The following SNAP25 variants were observed in gnomAD, a reference collection of about 807,000 sequenced individuals.
SNAP25 encodes the protein synaptosome associated protein 25.
In SNAP25, 3 loss-of-function variants were observed where a neutral mutation model predicts 28.7. That is an observed-to-expected ratio of 0.10 (90% CI 0.05 to 0.27). The LOEUF (loss-of-function observed/expected upper bound fraction) is 0.27. Ranked by LOEUF, SNAP25 falls within the 10% of genes least tolerant of loss-of-function variation. The probability of loss-of-function intolerance (pLI) is 1.00; values close to 1 mark genes in which losing one functional copy is unlikely to be tolerated. For synonymous variants in SNAP25, 61 were observed against 88.1 expected (o/e 0.69, Z 1.72); for missense variants, 117 against 278.7 (o/e 0.42, Z 4.13).
intron 1 of SNAP25, among the ~76,000 whole-genome samples, chr20:10,262,712 G>A (rs2063436183): frequency 6.6e-6 from 1 of 152,214 alleles, no homozygotes; most frequent in Non-Finnish European, 1.5e-5. Context: ...AACCAGAAAG[G>A]GAGTTTGGAG....
At chr20:10,251,468 T>C (rs902050536) in intron 1 of SNAP25, among the ~76,000 whole-genome samples, 1 of 152,130 alleles carries the variant, frequency 6.6e-6, no homozygotes. Flanking sequence ...GGTTGAGGGA[T>C]GATATTATGG....
At chr20:10,270,002 C>T (rs146642421) in intron 1 of SNAP25, among the ~76,000 whole-genome samples, 1,638 of 152,312 alleles carry the variant, frequency 0.011, 28 homozygotes, top group African/African-American at 0.037. Context: ...GCCTGTCATC[C>T]CAGCACTTTG....
chr20:10,223,729 T>A (rs1259628052), intron 1 of SNAP25, among the ~76,000 whole-genome samples: 1 of 152,138 alleles, frequency 6.6e-6, no homozygotes, highest in Non-Finnish European at 1.5e-5. Flanking sequence ...GAACCCCAGC[T>A]ACACTGTGAA....
chr20:10,306,024 G>C (rs542105587), intron 7 of SNAP25, 105 bp from the exon 8 acceptor site: 1 of 975,718 alleles, frequency 1.0e-6, no homozygotes, highest in Admixed American at 2.0e-5. Context: ...GACCAAGGAG[G>C]TTTTAAGTGG....
At chr20:10,228,491 G>C (rs1017343554) in intron 1 of SNAP25, among the ~76,000 whole-genome samples, 3 of 152,160 alleles carry the variant, frequency 2.0e-5, no homozygotes, top group Non-Finnish European at 4.4e-5. Context: ...AGCCAGGTGA[G>C]ATATGGTGGT....
intron 3 of SNAP25, among the ~76,000 whole-genome samples, chr20:10,278,684 C>T: frequency 6.6e-6 from 1 of 151,986 alleles, no homozygotes. Flanking sequence ...GAGCCTACTC[C>T]CCTCATGCTA....
At chr20:10,282,615 G>A (rs1482240514) in intron 3 of SNAP25, among the ~76,000 whole-genome samples, 2 of 152,176 alleles carry the variant, frequency 1.3e-5, no homozygotes, top group Non-Finnish European at 2.9e-5. Context: ...AAACAGATGA[G>A]GGCTGGACTG....
At chr20:10,280,911 G>T (rs552601170) in intron 3 of SNAP25, among the ~76,000 whole-genome samples, 6 of 152,146 alleles carry the variant, frequency 3.9e-5, no homozygotes, top group Non-Finnish European at 7.3e-5. Flanking sequence ...AAAAAAATCA[G>T]GTTGAGCAGT....
At chr20:10,251,665 C>T (rs1359636575) in intron 1 of SNAP25, among the ~76,000 whole-genome samples, 3 of 152,160 alleles carry the variant, frequency 2.0e-5, no homozygotes, top group African/African-American at 7.2e-5. Context: ...CATGTTTGCC[C>T]TTGTGATTAA....
intron 1 of SNAP25, among the ~76,000 whole-genome samples, chr20:10,224,715 A>C (rs1172215161): frequency 6.6e-6 from 1 of 151,978 alleles, no homozygotes; most frequent in East Asian, 1.9e-4. Flanking sequence ...GCCTTCTCAG[A>C]GTTAAGAAAT....
chr20:10,281,877 A>G (rs2063783749), intron 3 of SNAP25, among the ~76,000 whole-genome samples: 1 of 152,178 alleles, frequency 6.6e-6, no homozygotes, highest in Admixed American at 6.5e-5. Flanking sequence ...TTTTACTCTC[A>G]TAACTACTGT....
intron 1 of SNAP25, among the ~76,000 whole-genome samples, chr20:10,261,252 A>G (rs1207890304): frequency 2.0e-5 from 3 of 152,162 alleles, no homozygotes; most frequent in Non-Finnish European, 2.9e-5. Context: ...CTACAAACGA[A>G]TGAGTATGAA....
intron 1 of SNAP25, among the ~76,000 whole-genome samples, chr20:10,272,671 C>CTAGT (rs1297222586): frequency 6.6e-6 from 1 of 152,196 alleles, no homozygotes; most frequent in Admixed American, 6.5e-5. Flanking sequence ...AGCACATGTT[C>CTAGT]TAGTGGCCAG....
At chr20:10,286,658 T>C (rs1475930398) in intron 4 of SNAP25, among the ~76,000 whole-genome samples, 1 of 152,204 alleles carries the variant, frequency 6.6e-6, no homozygotes, top group Non-Finnish European at 1.5e-5. Flanking sequence ...GGCTGTCACA[T>C]AAAGGCTTTC....
chr20:10,235,166 G>C (rs1267044876), intron 1 of SNAP25, among the ~76,000 whole-genome samples: 1 of 152,018 alleles, frequency 6.6e-6, no homozygotes, highest in Non-Finnish European at 1.5e-5. Context: ...CCACGAGTTT[G>C]AGGTTGCGGT....
intron 1 of SNAP25, among the ~76,000 whole-genome samples, chr20:10,251,078 C>T (rs1042119896): frequency 2.0e-5 from 3 of 152,182 alleles, no homozygotes; most frequent in Non-Finnish European, 4.4e-5. Flanking sequence ...AATTTAAGAT[C>T]CCAGCACCAT....
At chr20:10,235,483 G>A (rs1328583010) in intron 1 of SNAP25, among the ~76,000 whole-genome samples, 1 of 152,224 alleles carries the variant, frequency 6.6e-6, no homozygotes, top group Non-Finnish European at 1.5e-5. Flanking sequence ...GAAGACGTCA[G>A]TGTCGAGCTC....
At chr20:10,274,091 G>A (rs1050259679) in intron 1 of SNAP25, among the ~76,000 whole-genome samples, 2 of 152,190 alleles carry the variant, frequency 1.3e-5, no homozygotes. Context: ...TGTATCCCTA[G>A]TGCCTAACAC....
intron 1 of SNAP25, among the ~76,000 whole-genome samples, chr20:10,223,691 G>A (rs1009708906): frequency 2.0e-5 from 3 of 151,944 alleles, no homozygotes; most frequent in African/African-American, 7.3e-5. Context: ...TCTTACAAGA[G>A]GAAAAAGACT....
Sources: gnomAD v4.1 joint callset for allele counts (sites outside exome capture counted in the v4.1 genomes callset) on GRCh38, gnomAD v4.1.1 for gene constraint, MANE v1.5 for transcripts, NCBI Gene and HGNC (gene_info 2026-07-23, HGNC 2026-07-21) for gene names.